Variants in COL21A1 observed in about 807,000 individuals in gnomAD.
The protein encoded by COL21A1 is collagen alpha-1(XXI) chain.
In COL21A1, 149 loss-of-function variants were observed where a neutral mutation model predicts 137.9. That is an observed-to-expected ratio of 1.08 (90% CI 0.95 to 1.24). The LOEUF (loss-of-function observed/expected upper bound fraction) is 1.24. COL21A1 is among the 50% of genes most tolerant of loss of function. The pLI, the probability that COL21A1 is intolerant of heterozygous loss-of-function variation, is 0.00. For synonymous variants in COL21A1, 456 were observed against 391.5 expected, an observed-to-expected ratio of 1.16 and a Z score of -1.95; for missense variants, 1,167 against 1,158.4, an observed-to-expected ratio of 1.01 and a Z score of -0.11.
chr6:56,221,627 G>A lies in COL21A1; in HGVS notation c.-39+25760C>T, dbSNP rs145019259. Among the ~76,000 whole-genome samples the A allele has an allele frequency of 2.0e-3, 299 of 152,168 alleles. 6 individuals carry two copies. In the East Asian group the frequency reaches 0.037, roughly 19 times the overall value. On this transcript the variant is annotated intron_variant, in intron 1 of 29. Coordinates refer to ENST00000244728, the MANE Select transcript of COL21A1 (RefSeq NM_030820.4). ...ATAATTCCAGTGACTCAGGAGGTGA[G>A]GTGAGAGAACTGCTTGAGCCCAGGA...
rs939417366 is a variant in COL21A1, at chr6:56,276,474, T to C, written c.-38-93818A>G. On this transcript the variant is annotated intron_variant, in intron 1 of 28. Coordinates refer to the COL21A1 transcript ENST00000370819. ...TCTTTCTAATGTAAAAATACATACT[T>C]TTTTCAGAGAGAGGGGGAACAACTT... is the stretch of plus-strand genomic sequence containing the variant. 5 of 747,414 alleles carry C rather than the reference T, an allele frequency of 6.7e-6. No individual in the cohort carries two copies. The Admixed American group carries it at 1.1e-4, about 17-fold the overall frequency. 46.3% of individuals were successfully genotyped at this position (747,414 alleles called of 1,614,324 possible). A position where few individuals can be genotyped will look rare whatever the true frequency, so the allele number is the denominator to read the frequency against.
intron 1 of COL21A1, among the ~76,000 whole-genome samples, chr6:56,334,320 T>G (rs1752766923): frequency 6.6e-6 from 1 of 152,046 alleles, no homozygotes; most frequent in East Asian, 1.9e-4. Flanking sequence ...CTGCTGAATT[T>G]GAAACTCATT....
intron 1 of COL21A1, among the ~76,000 whole-genome samples, chr6:56,230,323 CAAT>C (rs1366841525): frequency 6.6e-6 from 1 of 151,832 alleles, no homozygotes; most frequent in Non-Finnish European, 1.5e-5. Flanking sequence ...TACGGTCTCT[CAAT>C]GATAAATCAG....
intron 1 of COL21A1, among the ~76,000 whole-genome samples, chr6:56,332,753 CTTTTGTGTGA>C (rs1320959373): frequency 6.6e-6 from 1 of 151,670 alleles, no homozygotes; most frequent in African/African-American, 2.4e-5. Context: ...TTATAATTTG[CTTTTGTGTGA>C]TTTGTTTAAA....
intron 9 of COL21A1, 101 bp from the exon 10 acceptor site, chr6:56,157,050 T>A (rs1775798472): frequency 2.7e-6 from 2 of 728,076 alleles, no homozygotes; most frequent in Middle Eastern, 2.4e-4. Context: ...ATTTGAGGTT[T>A]TTTGTATGTT....
chr6:56,117,847 A>G (rs532539755), intron 16 of COL21A1, among the ~76,000 whole-genome samples: 14 of 152,166 alleles, frequency 9.2e-5, no homozygotes, highest in Non-Finnish European at 1.9e-4. Context: ...GAGTCAATGA[A>G]GAAATTAAGA....
chr6:56,128,788 G>A lies in COL21A1; in HGVS notation c.1543-2639C>T, dbSNP rs546366921. ...TCCTGCCTCAGCCTCCTGAGTAGCC[G>A]GGATTACAGGTACCCACCACCATGC... On this transcript the variant is annotated intron_variant, in intron 12 of 29. Coordinates refer to ENST00000244728, the MANE Select transcript of COL21A1 (RefSeq NM_030820.4). Among the ~76,000 whole-genome samples the A allele has an allele frequency of 2.7e-3, 410 of 152,184 alleles. 2 individuals are homozygous for A. Among genetic ancestry groups the A allele is most frequent in the Non-Finnish European group, 4.6e-3 (313 of 67,998 alleles).
At chr6:56,218,109 C>T (rs970749317) in intron 1 of COL21A1, among the ~76,000 whole-genome samples, 7 of 152,020 alleles carry the variant, frequency 4.6e-5, no homozygotes, top group African/African-American at 1.7e-4. Flanking sequence ...CAATTTAGTA[C>T]CCTCTTTTAA....
At chr6:56,092,067 A>G (rs182118894) in intron 17 of COL21A1, among the ~76,000 whole-genome samples, 48 of 152,284 alleles carry the variant, frequency 3.2e-4, no homozygotes, top group South Asian at 1.4e-3. Context: ...TAGAATAAAA[A>G]CCAAAATGTA....
At chr6:56,066,859 C>T (rs1017406432) in intron 23 of COL21A1, among the ~76,000 whole-genome samples, 1 of 151,628 alleles carries the variant, frequency 6.6e-6, no homozygotes, top group Non-Finnish European at 1.5e-5. Context: ...ATTTTCCTTT[C>T]ACATATTGAT....
Position 56,156,409 on chromosome 6 carries a change from C to G in COL21A1, c.1434+478G>C, listed in dbSNP as rs11753882. Among the ~76,000 whole-genome samples the G allele has an allele frequency of 7.0e-3, 1,071 of 152,286 alleles. 5 individuals are homozygous for G. Among genetic ancestry groups the G allele is most frequent in the Non-Finnish European group, 0.012 (843 of 68,026 alleles). On this transcript the variant is annotated intron_variant, in intron 10 of 29. Transcript: ENST00000244728. The stretch of plus-strand genomic sequence containing the variant: ...CTTAAAATTGTAAATTCCTTCTCTG[C>G]TCCTCTGAAATGTAAATACTCTAAA...
chr6:56,266,098 A>G (rs1763385640), intron 1 of COL21A1, among the ~76,000 whole-genome samples: 1 of 152,230 alleles, frequency 6.6e-6, no homozygotes, highest in Non-Finnish European at 1.5e-5. Flanking sequence ...AAAACATGCT[A>G]ACACAATTAT....
At chr6:56,263,136 A>G (rs1432817155) in intron 1 of COL21A1, among the ~76,000 whole-genome samples, 7 of 152,256 alleles carry the variant, frequency 4.6e-5, no homozygotes, top group Admixed American at 3.9e-4. Context: ...CTTTATTCCT[A>G]GCACCTATCA....
intron 1 of COL21A1, among the ~76,000 whole-genome samples, chr6:56,284,617 C>G (rs1215007493): frequency 6.6e-6 from 1 of 152,152 alleles, no homozygotes; most frequent in Non-Finnish European, 1.5e-5. Context: ...ACGCCCTCCA[C>G]CCATGCCAGA....
intron 1 of COL21A1, among the ~76,000 whole-genome samples, chr6:56,189,852 T>G (rs1467716407): frequency 6.6e-6 from 1 of 152,176 alleles, no homozygotes; most frequent in Non-Finnish European, 1.5e-5. Context: ...ACCCAGAATT[T>G]CATATCCAGC....
At chr6:56,121,972 G>A (rs1417851453) in intron 16 of COL21A1, among the ~76,000 whole-genome samples, 1 of 151,960 alleles carries the variant, frequency 6.6e-6, no homozygotes, top group East Asian at 1.9e-4. Context: ...CAAATATGAA[G>A]GGTAGTATGA....
intron 1 of COL21A1, among the ~76,000 whole-genome samples, chr6:56,344,331 C>A (rs1488756402): frequency 6.6e-6 from 1 of 151,998 alleles, no homozygotes; most frequent in Non-Finnish European, 1.5e-5. Flanking sequence ...TTGCAGTTGT[C>A]CTATTTTCTT....
chr6:56,096,882 T>A (rs1316381667), intron 17 of COL21A1, among the ~76,000 whole-genome samples: 21 of 152,136 alleles, frequency 1.4e-4, no homozygotes, highest in Admixed American at 1.4e-3. Flanking sequence ...TTCCACACAA[T>A]GGAAGAATGT....
chr6:56,200,124 G>A (rs970342201), intron 1 of COL21A1, among the ~76,000 whole-genome samples: 1 of 152,148 alleles, frequency 6.6e-6, no homozygotes, highest in Non-Finnish European at 1.5e-5. Flanking sequence ...GATGGAGTAA[G>A]TTTGGTTTGT....
Sources: gnomAD v4.1 joint callset for allele counts (sites outside exome capture counted in the v4.1 genomes callset) on GRCh38, gnomAD v4.1.1 for gene constraint, MANE v1.5 for transcripts, NCBI Gene and HGNC (gene_info 2026-07-23, HGNC 2026-07-21) for gene names.